The following TTC16 variants were observed in gnomAD, a reference collection of about 807,000 sequenced individuals.
TTC16 encodes the protein tetratricopeptide repeat domain 16, also known as tetratricopeptide repeat protein 16.
A neutral mutation model predicts 80.4 loss-of-function variants in TTC16; 66 were observed. The ratio of observed to expected loss-of-function variants is 0.82; its 90% CI spans 0.67 to 1.01. TTC16 has a LOEUF of 1.01. Among genes scored for constraint, TTC16 ranks in the 50% least tolerant of loss-of-function variants. The pLI, the probability that TTC16 is intolerant of heterozygous loss-of-function variation, is 0.00. For missense variants in TTC16, 1,070 were observed against 1,103.2 expected, an observed-to-expected ratio of 0.97 and a Z score of 0.43; for synonymous variants, 438 against 451.3, an observed-to-expected ratio of 0.97 and a Z score of 0.37.
At chr9:127,727,490 C>T (rs763855157) in intron 12 of TTC16, 25 bp downstream of exon 12, 5 of 1,550,772 alleles carry the variant, frequency 3.2e-6, no homozygotes, top group South Asian at 1.2e-5. Context: ...GGCCAGGGCT[C>T]GGAGCCCTTG....
At chr9:127,717,453 C>T in intron 3 of TTC16, 29 bp downstream of exon 3, 1 of 1,599,446 alleles carries the variant, frequency 6.3e-7, no homozygotes, top group Non-Finnish European at 8.5e-7. Context: ...TGGGCACAGG[C>T]AGTTGCTGGA....
Position 127,718,884 on chromosome 9 carries a change from G to A in TTC16, c.426+1112G>A, listed in dbSNP as rs1374713873. 3.3e-5 allele frequency among the ~76,000 whole-genome samples: 5 copies of A among 151,630 alleles called. No individual in the cohort carries two copies. The highest frequency in any genetic ancestry group is 7.4e-5 in the Non-Finnish European group (5 of 67,924). On this transcript the variant is annotated intron_variant, in intron 4 of 13. Transcript: ENST00000373289. This position sits in a 1 kb window ranked among gnomAD's most constrained non-coding sequence, Gnocchi z 4.6. ...TGGGATTACAGGTGTGAGCTACTGC[G>A]CCTGGGCTTGATGTCTTTTCTTTAT...
At chr9:127,720,790 GC>G (rs1233610882) in intron 6 of TTC16, among the ~76,000 whole-genome samples, 10 of 76,708 alleles carry the variant, frequency 1.3e-4, no homozygotes, top group Non-Finnish European at 1.7e-4. Context: ...ACATGAGGTA[GC>G]CCTTCCCCCT....
At chr9:127,717,228 C>G in intron 2 of TTC16, 106 bp from the exon 3 acceptor site, 1 of 1,257,942 alleles carries the variant, frequency 7.9e-7, no homozygotes, top group Non-Finnish European at 1.1e-6. Context: ...CTCCTCCTGC[C>G]TCTCCACCCA....
Position 127,724,113 on chromosome 9 carries a change from C to CT in TTC16, c.873-7_873-6insT. 6.3e-7 allele frequency: 1 copy of CT among 1,599,852 alleles called. No individual in the cohort carries two copies. The highest frequency in any genetic ancestry group is 8.5e-7 in the Non-Finnish European group (1 of 1,171,900). ...CCTCCTGCCGTCTCCCACGCCCCCC[C>CT]CGACAGGGGCACCATGTACCGACGG... is the stretch of plus-strand genomic sequence containing the variant. On this transcript the variant is annotated splice_polypyrimidine_tract_variant and splice_region_variant and intron_variant, in intron 7 of 13. Coordinates refer to ENST00000373289, the MANE Select transcript of TTC16 (RefSeq NM_144965.3).
In TTC16 at chr9:127,718,598, CT is replaced by C. The variant is rs928036152; in HGVS notation, c.426+838del. On this transcript the variant is annotated intron_variant, in intron 4 of 13. Coordinates refer to ENST00000373289, the MANE Select transcript of TTC16 (RefSeq NM_144965.3). This position sits in a 1 kb window ranked among gnomAD's most constrained non-coding sequence, Gnocchi z 4.6. The stretch of plus-strand genomic sequence containing the variant: ...TTTTCCATTTTGATAACCTTGATGT[CT>C]TTTTTTTTTTTCTGAGATGGAGTCT... 1.3e-3 allele frequency among the ~76,000 whole-genome samples: 195 copies of C among 144,874 alleles called. No individual in the cohort carries two copies. Among genetic ancestry groups the C allele is most frequent in the Admixed American group, 2.5e-3 (36 of 14,624 alleles).
At chr9:127,730,556 G>T in intron 13 of TTC16, 80 bp from the exon 14 acceptor site, 1 of 1,541,540 alleles carries the variant, frequency 6.5e-7, no homozygotes, top group East Asian at 2.3e-5. Flanking sequence ...GCCAGTGTGA[G>T]ATTGGGAAGC....
chr9:127,720,664 T>A (rs548883491), intron 6 of TTC16, among the ~76,000 whole-genome samples: 2 of 151,942 alleles, frequency 1.3e-5, no homozygotes, highest in African/African-American at 4.8e-5. Context: ...AAGCATGTCA[T>A]CCCTGTCCGG....
In TTC16 at chr9:127,717,510, G is replaced by A. The variant is rs932637960; in HGVS notation, c.282+86G>A. On this transcript the variant is annotated intron_variant, in intron 3 of 13. Transcript: ENST00000373289. ...CGCACCTGCCAGATCCCTCCTCTCA[G>A]GGCCACCAAGTCCCTGATGGGAATT... 60 of 1,574,590 alleles carry A rather than the reference G, an allele frequency of 3.8e-5. No homozygotes were observed. In the African/African-American group the frequency reaches 7.9e-4, roughly 21 times the overall value.
intron 13 of TTC16, chr9:127,730,281 T>A: frequency 3.0e-6 from 1 of 334,674 alleles, no homozygotes; most frequent in Non-Finnish European, 5.6e-6. Context: ...GTGGGTGCAT[T>A]TAGCGCCTTT....
At position 127,727,040 on chromosome 9, in the gene TTC16, AC is replaced by A. The variant is rs774088342; in HGVS notation, c.1498del (p.Leu500TrpfsTer49). ...GAGGTGCTTAGCACCCAGATAGCCC[AC>A]CTGGCCAGGCTGCAGCTGGAGCAGA... The part of the protein sequence containing the change: ...VEEVLSTQIA[H>X]LARLQLEQMV... On this transcript the variant is annotated frameshift_variant, in exon 11 of 14. Coordinates refer to ENST00000373289, the MANE Select transcript of TTC16 (RefSeq NM_144965.3). LOFTEE classifies it high-confidence loss of function. 48 of 1,612,466 alleles carry A rather than the reference AC, an allele frequency of 3.0e-5. 1 individual carries two copies. The South Asian group carries it at 5.3e-4, about 18-fold the overall frequency.
At position 127,720,353 on chromosome 9, in the gene TTC16, T is replaced by C. The variant is rs1843351797; in HGVS notation, c.615T>C (p.Asp205=). ...NELKQDTTNA[D]VYIFRARLYN... The stretch of plus-strand genomic sequence containing the variant: ...TGAAGCAGGACACCACCAACGCCGA[T>C]GTCTACATCTTCCGGGCCAGACTCT... The change falls in exon 6 of 14, where the codon GAT becomes GAC. Residue 205 remains aspartate (D), a synonymous_variant. Transcript: ENST00000373289. 6.2e-7 allele frequency: 1 copy of C among 1,613,090 alleles called. No individual in the cohort carries two copies. The highest frequency in any genetic ancestry group is 1.7e-5 in the Admixed American group (1 of 59,994).
intron 7 of TTC16, among the ~76,000 whole-genome samples, chr9:127,723,828 A>C (rs1319644354): frequency 1.3e-5 from 2 of 152,146 alleles, no homozygotes; most frequent in African/African-American, 2.4e-5. Flanking sequence ...GTGGTGGTAA[A>C]ACACCTGCTT....
chr9:127,722,917 A>C lies in TTC16; in HGVS notation c.658-202A>C, dbSNP rs1843615518. On this transcript the variant is annotated intron_variant, in intron 6 of 13. Transcript: ENST00000373289. The surrounding 1 kb of genome is among the most constrained non-coding windows in gnomAD (Gnocchi z 4.2). ...CGGGAGGCAGAGGTTGCAGTGAGCC[A>C]AGACCACGCCATTGCACTCCAGCCT... Among the ~76,000 whole-genome samples, 1 of 151,844 alleles carries C rather than the reference A, an allele frequency of 6.6e-6. No homozygotes were observed. The highest frequency in any genetic ancestry group is 1.5e-5 in the Non-Finnish European group (1 of 67,936).
At position 127,724,852 on chromosome 9, in the gene TTC16, T is replaced by A. The variant is rs17852941; in HGVS notation, c.1214T>A (p.Met405Lys). ...CAGGACGAGGGCGCCAACACGCGCA[T>A]GGGCCTGCTGCAGGAGAAGATGGGC... ...SPQDEGANTR[M>K]GLLQEKMGFC... Residue 405 changes from methionine to lysine, a missense_variant, in exon 9 of 14, where the codon ATG becomes AAG. Met to Lys is a moderately conservative substitution (Grantham distance 95, BLOSUM62 -1). Transcript: ENST00000373289. 1.3e-6 allele frequency: 2 copies of A among 1,587,426 alleles called. No individual in the cohort carries two copies. Among genetic ancestry groups the A allele is most frequent in the Non-Finnish European group, 1.7e-6 (2 of 1,168,926 alleles).
At chr9:127,724,732 C>T (rs972839958) in intron 8 of TTC16, 24 bp from the exon 9 acceptor site, 1 of 1,600,396 alleles carries the variant, frequency 6.2e-7, no homozygotes, top group Non-Finnish European at 8.5e-7. Context: ...TGGGGGTCCA[C>T]TCACCCCCGC....
At chr9:127,724,621 A>C in intron 8 of TTC16, 135 bp from the exon 9 acceptor site, 2 of 1,280,460 alleles carry the variant, frequency 1.6e-6, no homozygotes, top group Non-Finnish European at 2.1e-6. Flanking sequence ...CCAGAAAACT[A>C]GAGAGGACGG....
chr9:127,717,294 G>C, intron 2 of TTC16, 40 bp from the exon 3 acceptor site: 1 of 1,591,338 alleles, frequency 6.3e-7, no homozygotes, highest in Non-Finnish European at 8.5e-7. Flanking sequence ...CTGGTCCACA[G>C]TCAGGGCCAC....
At chr9:127,717,864 T>G in intron 4 of TTC16, 92 bp downstream of exon 4, 4 of 1,464,066 alleles carry the variant, frequency 2.7e-6, no homozygotes, top group Non-Finnish European at 3.6e-6. Flanking sequence ...TCTCCTTAGA[T>G]TCCTCCTTGT....
Sources: gnomAD v4.1 joint callset for allele counts (sites outside exome capture counted in the v4.1 genomes callset) on GRCh38, gnomAD v4.1.1 for gene constraint, Gnocchi (gnomAD v3.1) non-coding constraint, MANE v1.5 for transcripts, NCBI Gene and HGNC (gene_info 2026-07-23, HGNC 2026-07-21) for gene names.